Variants in RTN4 observed in about 807,000 individuals in gnomAD.
RTN4 encodes the protein reticulon 4.
Under a neutral mutation model 90.4 loss-of-function variants are expected in RTN4, and 32 were observed. The ratio of observed to expected loss-of-function variants is 0.35; its 90% CI spans 0.27 to 0.48. The LOEUF (loss-of-function observed/expected upper bound fraction) is 0.48. RTN4 is among the 20% of genes least tolerant of loss of function. The probability of loss-of-function intolerance (pLI) is 0.99; values close to 1 mark genes in which losing one functional copy is unlikely to be tolerated. For missense variants in RTN4, 1,706 were observed against 1,430.2 expected (o/e 1.19, Z -3.11); for synonymous variants, 629 against 552.5 (o/e 1.14, Z -1.94).
the RTN4 span, among the ~76,000 whole-genome samples, chr2:55,136,492 G>C: frequency 6.6e-6 from 1 of 152,210 alleles, no homozygotes; most frequent in African/African-American, 2.4e-5. Flanking sequence ...ACTTCCTTTT[G>C]TTCCTGCGCT....
chr2:55,046,035 G>T lies in RTN4; in HGVS notation c.556+3710C>A, dbSNP rs561013753. Among the ~76,000 whole-genome samples the T allele has an allele frequency of 5.9e-5, 9 of 152,256 alleles. No homozygotes were observed. The South Asian group carries it at 1.7e-3, about 28-fold the overall frequency. On this transcript the variant is annotated intron_variant, in intron 1 of 8. Coordinates refer to ENST00000337526, the MANE Select transcript of RTN4 (RefSeq NM_020532.5). ...CGATGGAGATGCTCTGGGCACAACA[G>T]CAAACAGTAAAATTACAACTTATTA...
chr2:55,026,929 A>C lies in RTN4; in HGVS notation c.1170T>G (p.Phe390Leu), dbSNP rs759912626. The C allele has an allele frequency of 8.1e-6, 13 of 1,613,552 alleles. No homozygotes were observed. The South Asian group carries it at 1.3e-4, about 16-fold the overall frequency. The change falls in exon 3 of 9, where the codon TTT becomes TTG. Residue 390 changes from phenylalanine to leucine, a missense_variant. Phe to Leu is a conservative substitution (Grantham distance 22). Transcript: ENST00000337526. ...TATCTTTCACTTCCCATACTCGCTC[A>C]AATGGTTTGAAGTCTGCATATTCCT... ...MREEYADFKP[F>L]ERVWEVKDSK...
At chr2:55,007,021 G>A (rs917503901) in intron 3 of RTN4, among the ~76,000 whole-genome samples, 2 of 152,072 alleles carry the variant, frequency 1.3e-5, no homozygotes, top group Non-Finnish European at 2.9e-5. Context: ...CTTCCGAGAT[G>A]TTCTATCATC....
At chr2:55,083,968 C>T (rs1668787882) in intron 1 of RTN4, among the ~76,000 whole-genome samples, 2 of 152,166 alleles carry the variant, frequency 1.3e-5, no homozygotes, top group Admixed American at 6.5e-5. Flanking sequence ...GTTAAAGGAG[C>T]ACCTTTTGTT....
the RTN4 span, among the ~76,000 whole-genome samples, chr2:55,132,200 T>C: frequency 6.6e-6 from 1 of 152,182 alleles, no homozygotes; most frequent in African/African-American, 2.4e-5. Context: ...TCTCCACTTT[T>C]ATGTGTGTTT....
In RTN4 at chr2:55,049,113, C is replaced by G. The variant is rs1037615060; in HGVS notation, c.556+632G>C. On this transcript the variant is annotated intron_variant, in intron 1 of 8. Transcript: ENST00000337526. The stretch of plus-strand genomic sequence containing the variant: ...CTCCTTCCCATTTCTCCACGCACCA[C>G]ACCACTGGAGGCGCTCTCCCTTCAC... 3.0e-6 allele frequency: 3 copies of G among 985,880 alleles called. No homozygotes were observed. The South Asian group carries it at 1.4e-4, about 46-fold the overall frequency. 61.1% of individuals were successfully genotyped at this position (985,880 alleles called of 1,614,324 possible). A position where few individuals can be genotyped will look rare whatever the true frequency, so the allele number is the denominator to read the frequency against.
At chr2:55,122,717 A>G in the RTN4 span, among the ~76,000 whole-genome samples, 1 of 152,206 alleles carries the variant, frequency 6.6e-6, no homozygotes, top group Admixed American at 6.5e-5. Flanking sequence ...GCAGAAGCTG[A>G]GGTGGCAATA....
chr2:55,132,623 G>A, the RTN4 span, among the ~76,000 whole-genome samples: 1 of 151,898 alleles, frequency 6.6e-6, no homozygotes, highest in African/African-American at 2.4e-5. Context: ...ACCAGCCTGG[G>A]CAACATGGTA....
intron 1 of RTN4, among the ~76,000 whole-genome samples, chr2:55,044,784 C>CCA (rs1683304701): frequency 8.4e-5 from 1 of 11,944 alleles, no homozygotes; most frequent in Admixed American, 7.4e-4. Flanking sequence ...TTGCAAATCA[C>CCA]TAAAAAAAAA....
At chr2:55,137,521 T>C in the RTN4 span, among the ~76,000 whole-genome samples, 5 of 152,108 alleles carry the variant, frequency 3.3e-5, no homozygotes, top group East Asian at 5.8e-4. Context: ...ACTGACTAGA[T>C]GGGAGTCATG....
upstream of RTN4, among the ~76,000 whole-genome samples, chr2:55,116,092 T>G (rs968685779): frequency 4.5e-4 from 9 of 19,964 alleles, no homozygotes. Context: ...GGGACTAGTC[T>G]TTTTTTTTTT....
At chr2:55,118,441 G>C in the RTN4 span, among the ~76,000 whole-genome samples, 3 of 151,904 alleles carry the variant, frequency 2.0e-5, no homozygotes, top group Non-Finnish European at 4.4e-5. Flanking sequence ...CTACACCCTG[G>C]GCAATGGAGC....
At chr2:55,097,913 A>G (rs1300174880) in intron 1 of RTN4, among the ~76,000 whole-genome samples, 1 of 152,056 alleles carries the variant, frequency 6.6e-6, no homozygotes, top group African/African-American at 2.4e-5. Context: ...CTGAAGGGCC[A>G]AGAATGACAT....
chr2:55,085,985 A>G (rs1263017095), intron 1 of RTN4, among the ~76,000 whole-genome samples: 1 of 152,216 alleles, frequency 6.6e-6, no homozygotes, highest in Non-Finnish European at 1.5e-5. Context: ...CTGACACATC[A>G]AAGATTGTAG....
At chr2:55,072,963 G>T (rs546224527) in intron 2 of RTN4, among the ~76,000 whole-genome samples, 1 of 152,168 alleles carries the variant, frequency 6.6e-6, no homozygotes, top group East Asian at 1.9e-4. Context: ...TCAGTTGCTC[G>T]GCTCAGTTGC....
At chr2:55,036,146 C>T (rs1007214775) in intron 1 of RTN4, among the ~76,000 whole-genome samples, 2 of 152,084 alleles carry the variant, frequency 1.3e-5, no homozygotes, top group Non-Finnish European at 2.9e-5. Flanking sequence ...AAGGATATAA[C>T]ACGAAAATTA....
At chr2:54,974,517 G>A (rs1677444385) in intron 6 of RTN4, among the ~76,000 whole-genome samples, 178 bp downstream of exon 6, 1 of 152,212 alleles carries the variant, frequency 6.6e-6, no homozygotes, top group African/African-American at 2.4e-5. Context: ...CTGGCCCCAG[G>A]TGATCCGCCC....
the RTN4 span, among the ~76,000 whole-genome samples, chr2:55,128,997 A>G: frequency 6.6e-6 from 1 of 151,502 alleles, no homozygotes; most frequent in African/African-American, 2.4e-5. Flanking sequence ...AATCCCAGCT[A>G]CTCGGGAGGC....
chr2:55,105,894 C>T (rs968664958), intron 1 of RTN4, among the ~76,000 whole-genome samples: 10 of 152,056 alleles, frequency 6.6e-5, no homozygotes, highest in Non-Finnish European at 1.3e-4. Context: ...GCCAGAGGAT[C>T]GCTTGCACCC....
Sources: gnomAD v4.1 joint callset for allele counts (sites outside exome capture counted in the v4.1 genomes callset) on GRCh38, gnomAD v4.1.1 for gene constraint, MANE v1.5 for transcripts, NCBI Gene and HGNC (gene_info 2026-07-23, HGNC 2026-07-21) for gene names.